Variants in NAA50 observed in about 807,000 individuals in gnomAD.
NAA50 encodes the protein N-alpha-acetyltransferase 50, NatE catalytic subunit, also known as N-alpha-acetyltransferase 50.
NAA50 carries 7 observed loss-of-function variants against 20.7 expected under a neutral mutation model. The observed-to-expected ratio is 0.34, with a 90% CI of 0.19 to 0.63. The LOEUF is 0.63. NAA50 is among the 30% of genes least tolerant of loss of function. NAA50 has a pLI of 0.75. For missense variants in NAA50, 111 were observed against 199.1 expected (o/e 0.56, Z 2.66); for synonymous variants, 54 against 70.6 (o/e 0.77, Z 1.18).
At chr3:113,729,640 T>G (rs1300839852) in intron 1 of NAA50, among the ~76,000 whole-genome samples, 5 of 152,158 alleles carry the variant, frequency 3.3e-5, no homozygotes, top group Admixed American at 2.0e-4. Context: ...GCCTACGGGC[T>G]CAGGGGATCC....
Position 113,724,073 on chromosome 3 carries a change from C to T in NAA50, c.31G>A (p.Val11Met), listed in dbSNP as rs540220653. The T allele has an allele frequency of 6.3e-7, 1 of 1,596,246 alleles. No individual in the cohort carries two copies. The highest frequency in any genetic ancestry group is 1.2e-5 in the South Asian group (1 of 85,988). Reference sequence around the variant, plus strand: ...AACTGTTTAATATTGTGTGGTGTCACATCTCCCAGCTCGATCCGGCTACTG... The same window carrying T: ...AACTGTTTAATATTGTGTGGTGTCATATCTCCCAGCTCGATCCGGCTACTG... MKGSRIELGD[V>M]TPHNIKQLKR... Residue 11 changes from valine to methionine, a missense_variant, in exon 2 of 5, where the codon GTG becomes ATG. By Grantham distance (21) the Val-to-Met change is conservative. Transcript: ENST00000240922.
At position 113,721,347 on chromosome 3, in the gene NAA50, CAACTT is replaced by C. The variant is rs1708133062; in HGVS notation, c.*408_*412del. 1 of 198,362 alleles carries C rather than the reference CAACTT, an allele frequency of 5.0e-6. No homozygotes were observed. The highest frequency in any genetic ancestry group is 9.1e-5 in the South Asian group (1 of 10,968). The allele number at this position is 198,362 out of a possible 1,614,324, so 12.3% of individuals were successfully genotyped here. ...AAACCCAAAGTACCACAAACACACTCAACTTGTCTATGAATTAGAGAACAAGATAC... is the reference window on the plus strand; with the variant it reads ...AAACCCAAAGTACCACAAACACACTCGTCTATGAATTAGAGAACAAGATAC... On this transcript the variant is annotated 3_prime_UTR_variant, in exon 5 of 5. Transcript: ENST00000240922.
At chr3:113,725,985 A>C (rs761697007) in intron 1 of NAA50, among the ~76,000 whole-genome samples, 10 of 152,218 alleles carry the variant, frequency 6.6e-5, no homozygotes, top group East Asian at 5.8e-4. Flanking sequence ...GAAGAACACA[A>C]AAGACAGCAT....
chr3:113,738,702 G>A (rs1246284749), intron 1 of NAA50, among the ~76,000 whole-genome samples: 1 of 152,172 alleles, frequency 6.6e-6, no homozygotes, highest in Non-Finnish European at 1.5e-5. Context: ...GTTGCTTTTA[G>A]TTCAATGCTT....
chr3:113,746,186 C>A lies in NAA50; in HGVS notation c.-237G>T, dbSNP rs1324229284. 8.1e-6 allele frequency: 4 copies of A among 492,316 alleles called. No individual in the cohort carries two copies. Among genetic ancestry groups the A allele is most frequent in the Non-Finnish European group, 1.4e-5 (4 of 280,164 alleles). The allele number at this position is 492,316 out of a possible 1,614,324, so 30.5% of individuals were successfully genotyped here. A position where few individuals can be genotyped will look rare whatever the true frequency, so the allele number is the denominator to read the frequency against. ...GCCGCCGCTTCTCCACACGTGCACT[C>A]GGGTCTCTCGGCTCCCTCCCGCCGC... On this transcript the variant is annotated 5_prime_UTR_variant, in exon 1 of 5. Transcript: ENST00000240922.
chr3:113,741,752 T>C (rs2107995697), intron 1 of NAA50, among the ~76,000 whole-genome samples: 1 of 152,288 alleles, frequency 6.6e-6, no homozygotes, highest in East Asian at 1.9e-4. Flanking sequence ...TTGATTATTC[T>C]TTGTTTAGAG....
intron 3 of NAA50, 59 bp downstream of exon 3, chr3:113,723,363 C>A: frequency 6.6e-7 from 1 of 1,504,302 alleles, no homozygotes; most frequent in Non-Finnish European, 9.0e-7. Context: ...AGGTCAGACA[C>A]ATTAACAAAT....
intron 1 of NAA50, 119 bp downstream of exon 1, chr3:113,745,823 A>G: frequency 8.3e-7 from 1 of 1,211,892 alleles, no homozygotes. Context: ...GAAGCAGAGA[A>G]ATCTCCCTCC....
chr3:113,738,452 C>T (rs1479852801), intron 1 of NAA50, among the ~76,000 whole-genome samples: 3 of 152,202 alleles, frequency 2.0e-5, no homozygotes, highest in East Asian at 1.9e-4. Context: ...AAGAGCCCAC[C>T]GTTCATCCAA....
intron 1 of NAA50, among the ~76,000 whole-genome samples, chr3:113,741,669 A>G (rs1170992744): frequency 6.6e-6 from 1 of 152,260 alleles, no homozygotes; most frequent in East Asian, 1.9e-4. Flanking sequence ...AACAGGGAAT[A>G]TATCTTGATT....
intron 1 of NAA50, among the ~76,000 whole-genome samples, chr3:113,726,508 G>A (rs1708201624): frequency 6.6e-6 from 1 of 151,824 alleles, no homozygotes; most frequent in African/African-American, 2.4e-5. Context: ...AAAATTGGGA[G>A]GCCAAGGTGG....
At chr3:113,732,741 C>A (rs1708287246) in intron 1 of NAA50, among the ~76,000 whole-genome samples, 1 of 152,204 alleles carries the variant, frequency 6.6e-6, no homozygotes, top group Non-Finnish European at 1.5e-5. Context: ...TGCTGAGGTT[C>A]CAGATAGATA....
chr3:113,727,413 C>T (rs2107986880), intron 1 of NAA50, among the ~76,000 whole-genome samples: 1 of 152,222 alleles, frequency 6.6e-6, no homozygotes, highest in Admixed American at 6.5e-5. Context: ...TTCAAGCATA[C>T]TTACAGTTTT....
intron 1 of NAA50, among the ~76,000 whole-genome samples, chr3:113,742,915 TG>T (rs1708437450): frequency 6.6e-6 from 1 of 152,234 alleles, no homozygotes; most frequent in East Asian, 1.9e-4. Flanking sequence ...ACCTCAGTCA[TG>T]GTTATCTGTG....
At chr3:113,722,033 C>A in intron 4 of NAA50, 96 bp from the exon 5 acceptor site, 1 of 1,090,364 alleles carries the variant, frequency 9.2e-7, no homozygotes, top group South Asian at 1.6e-5. Flanking sequence ...CTGTTACATT[C>A]TCTTTACAAC....
chr3:113,732,024 TA>T (rs755988792), intron 1 of NAA50, among the ~76,000 whole-genome samples: 1 of 152,140 alleles, frequency 6.6e-6, no homozygotes, highest in South Asian at 2.1e-4. Context: ...TTTTAGCTTT[TA>T]AAAAAACTGT....
At chr3:113,727,529 T>C (rs531087545) in intron 1 of NAA50, among the ~76,000 whole-genome samples, 2 of 152,242 alleles carry the variant, frequency 1.3e-5, no homozygotes, top group East Asian at 3.9e-4. Context: ...AAAAAAAGTT[T>C]CCATTAGGGT....
rs149220995 is a variant in NAA50 at position 113,719,996 on chromosome 3, CTT to C, written c.*1762_*1763del. 6.6e-6 allele frequency: 1 copy of C among 152,626 alleles called. No homozygotes were observed. Among genetic ancestry groups the C allele is most frequent in the Non-Finnish European group, 1.5e-5 (1 of 68,020 alleles). The allele number at this position is 152,626 out of a possible 1,614,324, so 9.5% of individuals were successfully genotyped here. On this transcript the variant is annotated 3_prime_UTR_variant, in exon 5 of 5. Coordinates refer to ENST00000240922, the MANE Select transcript of NAA50 (RefSeq NM_025146.4). ...GAAGATAAAGGTGCTTAACGCTAAA[CTT>C]TTCTTCTAAGCTTAGATTTGGATTG...
chr3:113,737,079 G>T (rs905864981), intron 1 of NAA50, among the ~76,000 whole-genome samples: 9 of 152,000 alleles, frequency 5.9e-5, no homozygotes, highest in Non-Finnish European at 8.8e-5. Context: ...CCAGAATCAA[G>T]CCTATGTCTC....
Sources: allele counts gnomAD v4.1 joint callset (sites outside exome capture counted in the v4.1 genomes callset), GRCh38; gene constraint gnomAD v4.1.1; transcripts MANE v1.5; gene names NCBI Gene and HGNC (gene_info 2026-07-23, HGNC 2026-07-21).